RALYL: variants seen among roughly 807,000 people sequenced by gnomAD.
RALYL encodes the protein RNA-binding Raly-like protein.
A neutral mutation model predicts 35.1 loss-of-function variants in RALYL; 29 were observed. That is an observed-to-expected ratio of 0.83 (90% CI 0.61 to 1.13). The LOEUF (loss-of-function observed/expected upper bound fraction) is 1.13. Ranked by LOEUF, RALYL falls within the 50% of genes most tolerant of loss-of-function variation. The pLI is 0.00. For missense variants in RALYL, 359 were observed against 360.4 expected (o/e 1.00, Z 0.03); for synonymous variants, 120 against 127.6 (o/e 0.94, Z 0.40).
At chr8:84,555,288 T>TACACACACAC (rs111496991) in intron 2 of RALYL, among the ~76,000 whole-genome samples, 2 of 150,690 alleles carry the variant, frequency 1.3e-5, no homozygotes, top group South Asian at 2.1e-4. Flanking sequence ...AATATATACA[T>TACACACACAC]ACACACACAC....
intron 1 of RALYL, among the ~76,000 whole-genome samples, chr8:84,380,877 C>A (rs534891919): frequency 6.6e-6 from 1 of 151,800 alleles, no homozygotes; most frequent in African/African-American, 2.4e-5. Context: ...AGGTTACCTG[C>A]AGCAAGGGCT....
At chr8:84,371,580 G>A (rs1013595279) in intron 1 of RALYL, among the ~76,000 whole-genome samples, 4 of 144,868 alleles carry the variant, frequency 2.8e-5, no homozygotes, top group African/African-American at 8.0e-5. Flanking sequence ...CACAGAAAGA[G>A]AGAGAGAGAG....
rs151338471 is a variant in RALYL, at chr8:84,374,131, T to C, written c.-23-155168T>C. Among the ~76,000 whole-genome samples, 162 of 152,170 alleles carry C rather than the reference T, an allele frequency of 1.1e-3. No homozygotes were observed. The East Asian group carries it at 0.018, about 17-fold the overall frequency. On this transcript the variant is annotated intron_variant, in intron 1 of 8. Transcript: ENST00000521268. ...TGCTGAGACTATAGGGTTTTCTAGA[T>C]ATAGGAACATGTCATCTGCAAAGAG...
chr8:84,394,914 A>C (rs1861463558), intron 1 of RALYL, among the ~76,000 whole-genome samples: 1 of 151,924 alleles, frequency 6.6e-6, no homozygotes, highest in Non-Finnish European at 1.5e-5. Context: ...AAACATAATA[A>C]AGTGAAGTTC....
intron 4 of RALYL, among the ~76,000 whole-genome samples, chr8:84,830,205 T>C (rs754597721): frequency 6.6e-6 from 1 of 152,278 alleles, no homozygotes; most frequent in East Asian, 1.9e-4. Flanking sequence ...TATGCATGTT[T>C]CTGAATGATC....
At chr8:84,664,495 T>C (rs185942286) in intron 2 of RALYL, among the ~76,000 whole-genome samples, 15 of 152,138 alleles carry the variant, frequency 9.9e-5, no homozygotes, top group African/African-American at 3.6e-4. Context: ...GTTTGTGTGA[T>C]CTCTGATGTC....
intron 2 of RALYL, among the ~76,000 whole-genome samples, chr8:84,769,120 T>C (rs572837348): frequency 6.6e-6 from 1 of 152,358 alleles, no homozygotes; most frequent in East Asian, 1.9e-4. Flanking sequence ...GATGATATTT[T>C]CATGCGCATG....
intron 2 of RALYL, among the ~76,000 whole-genome samples, chr8:84,674,808 T>G (rs1263571413): frequency 3.3e-5 from 5 of 152,196 alleles, no homozygotes; most frequent in African/African-American, 1.2e-4. Flanking sequence ...TTATTACGCA[T>G]GAAATCCAAG....
intron 2 of RALYL, among the ~76,000 whole-genome samples, chr8:84,737,302 C>T (rs1481938203): frequency 6.6e-6 from 1 of 152,010 alleles, no homozygotes; most frequent in African/African-American, 2.4e-5. Context: ...TTCATTGTAA[C>T]TCATAAGGTA....
At chr8:84,276,322 G>T (rs1446938829) in intron 1 of RALYL, among the ~76,000 whole-genome samples, 2 of 152,142 alleles carry the variant, frequency 1.3e-5, no homozygotes, top group South Asian at 2.1e-4. Context: ...TCTAGCATCT[G>T]TAAGGCACCT....
rs1013671493 is a variant in RALYL at position 84,776,181 on chromosome 8, T to C, written c.332+1527T>C. On this transcript the variant is annotated intron_variant, in intron 3 of 8. Coordinates refer to ENST00000521268, the MANE Select transcript of RALYL (RefSeq NM_173848.7). Reference sequence around the variant, plus strand: ...ATAGCCTGGAGCACTTTCCTTGTTTTTGTTCTCTGAAAACTAGCATATCTT... The same window carrying C: ...ATAGCCTGGAGCACTTTCCTTGTTTCTGTTCTCTGAAAACTAGCATATCTT... Among the ~76,000 whole-genome samples, 4 of 152,200 alleles carry C rather than the reference T, an allele frequency of 2.6e-5. No homozygotes were observed. In the East Asian group the frequency reaches 5.8e-4, roughly 22 times the overall value.
chr8:84,357,586 C>T (rs111651707), intron 1 of RALYL, among the ~76,000 whole-genome samples: 41 of 151,710 alleles, frequency 2.7e-4, no homozygotes, highest in African/African-American at 4.3e-4. Context: ...GTTTTTAATC[C>T]GTCTTTTCAA....
intron 1 of RALYL, among the ~76,000 whole-genome samples, chr8:84,467,695 C>G (rs1359095940): frequency 1.3e-5 from 2 of 151,652 alleles, no homozygotes; most frequent in Admixed American, 6.6e-5. Context: ...TCCTGGGTAT[C>G]CTTGTTGACT....
At chr8:84,262,200 C>T (rs1210156344) in intron 1 of RALYL, among the ~76,000 whole-genome samples, 4 of 152,100 alleles carry the variant, frequency 2.6e-5, no homozygotes, top group African/African-American at 9.7e-5. Context: ...GCCTAGTCCT[C>T]TGATTTAACA....
At chr8:84,882,639 A>T (rs1161175608) in intron 7 of RALYL, among the ~76,000 whole-genome samples, 3 of 152,078 alleles carry the variant, frequency 2.0e-5, no homozygotes, top group Admixed American at 6.6e-5. Context: ...CTTGTGATTA[A>T]GGGTCTGAGT....
intron 1 of RALYL, among the ~76,000 whole-genome samples, chr8:84,458,886 A>G (rs535169226): frequency 1.7e-4 from 26 of 151,888 alleles, no homozygotes; most frequent in African/African-American, 5.8e-4. Flanking sequence ...TTTTCAGCAG[A>G]TCACCTTCTG....
chr8:84,607,609 C>T (rs910351541), intron 2 of RALYL, among the ~76,000 whole-genome samples: 3 of 152,130 alleles, frequency 2.0e-5, no homozygotes, highest in Non-Finnish European at 4.4e-5. Flanking sequence ...TAGGAAACTG[C>T]AGAAAGCAGA....
intron 1 of RALYL, among the ~76,000 whole-genome samples, chr8:84,502,083 T>C (rs1430977577): frequency 6.6e-6 from 1 of 151,892 alleles, no homozygotes; most frequent in Non-Finnish European, 1.5e-5. Flanking sequence ...ATTTGGCAAA[T>C]GACAAATGAT....
chr8:84,647,091 A>T (rs1827656405), intron 2 of RALYL, among the ~76,000 whole-genome samples: 1 of 151,962 alleles, frequency 6.6e-6, no homozygotes, highest in African/African-American at 2.4e-5. Context: ...TGGGAGAAGG[A>T]TCAATGGGGA....
Sources: gnomAD v4.1 joint callset for allele counts (sites outside exome capture counted in the v4.1 genomes callset) on GRCh38, gnomAD v4.1.1 for gene constraint, MANE v1.5 for transcripts, NCBI Gene and HGNC (gene_info 2026-07-23, HGNC 2026-07-21) for gene names.